TENM3: variants seen among roughly 807,000 people sequenced by gnomAD.
TENM3 encodes the protein teneurin-3.
TENM3 carries 63 observed loss-of-function variants against 255.1 expected under a neutral mutation model. That is an observed-to-expected ratio of 0.25 (90% CI 0.20 to 0.30). The LOEUF (loss-of-function observed/expected upper bound fraction) is 0.30. Among genes scored for constraint, TENM3 ranks in the 10% least tolerant of loss-of-function variants. TENM3 has a pLI of 1.00. For missense variants in TENM3, 2,929 were observed against 3,461.1 expected (o/e 0.85, Z 3.86); for synonymous variants, 1,306 against 1,322.3 (o/e 0.99, Z 0.27).
At chr4:181,705,518 G>A in the TENM3 span, among the ~76,000 whole-genome samples, 1 of 152,090 alleles carries the variant, frequency 6.6e-6, no homozygotes, top group Non-Finnish European at 1.5e-5. Flanking sequence ...TTTCATCATT[G>A]TTTTTCTCTT....
In TENM3 at chr4:182,217,579, C is replaced by T. The variant is rs574264574; in HGVS notation, c.-76+72825C>T. Among the ~76,000 whole-genome samples, 10 of 152,150 alleles carry T rather than the reference C, an allele frequency of 6.6e-5. No homozygotes were observed. In the East Asian group the frequency reaches 1.2e-3, roughly 18 times the overall value. ...CTTTACCGGTATTAACTCTTTAATTCGCATAACCCTTCTGTGAGATGGGTA... is the reference window on the plus strand; with the variant it reads ...CTTTACCGGTATTAACTCTTTAATTTGCATAACCCTTCTGTGAGATGGGTA... On this transcript the variant is annotated intron_variant, in intron 1 of 2. Transcript: ENST00000512480.
At chr4:181,710,043 G>A in the TENM3 span, among the ~76,000 whole-genome samples, 236 of 152,284 alleles carry the variant, frequency 1.5e-3, no homozygotes, top group Non-Finnish European at 2.8e-3. Context: ...TGGGGGGACA[G>A]TGGGATATTT....
intron 1 of TENM3, among the ~76,000 whole-genome samples, chr4:182,297,986 C>T (rs571586794): frequency 6.6e-6 from 1 of 152,356 alleles, no homozygotes; most frequent in African/African-American, 2.4e-5. Context: ...TGCCCAGGCA[C>T]CTTGGTCACT....
At chr4:182,002,207 C>T in the TENM3 span, among the ~76,000 whole-genome samples, 1 of 151,972 alleles carries the variant, frequency 6.6e-6, no homozygotes, top group Admixed American at 6.6e-5. Context: ...AGTTTTTCTC[C>T]AAGACAGAAA....
chr4:181,826,278 A>G, the TENM3 span, among the ~76,000 whole-genome samples: 2 of 152,238 alleles, frequency 1.3e-5, no homozygotes, highest in Non-Finnish European at 2.9e-5. Context: ...AAGCCGGAGA[A>G]AAAGTGGCCA....
In TENM3 at chr4:182,172,519, AC is replaced by A. The variant is rs927760018; in HGVS notation, c.-76+27767del. Among the ~76,000 whole-genome samples, 54 of 152,310 alleles carry A rather than the reference AC, an allele frequency of 3.5e-4. 2 individuals carry two copies. The highest frequency in any genetic ancestry group is 1.2e-3 in the African/African-American group (51 of 41,574). On this transcript the variant is annotated intron_variant, in intron 1 of 2. Coordinates refer to the TENM3 transcript ENST00000512480. Reference sequence around the variant, plus strand: ...CCCTGGCTGTGATAAGATTTTGTGAACCAAATGCACAAGATACTATTTAAGA... The same window carrying A: ...CCCTGGCTGTGATAAGATTTTGTGAACAAATGCACAAGATACTATTTAAGA...
chr4:182,727,356 T>G (rs1196422380), intron 13 of TENM3, among the ~76,000 whole-genome samples: 1 of 148,600 alleles, frequency 6.7e-6, no homozygotes, highest in African/African-American at 2.5e-5. Context: ...CTCAGGAGGC[T>G]GAGGCAGGAG....
At chr4:182,111,075 A>G in the TENM3 span, among the ~76,000 whole-genome samples, 1 of 152,140 alleles carries the variant, frequency 6.6e-6, no homozygotes, top group East Asian at 1.9e-4. Context: ...TCAACTAACA[A>G]TGGAAAACAA....
At chr4:182,658,758 C>G (rs976792978) in intron 6 of TENM3, among the ~76,000 whole-genome samples, 2 of 152,212 alleles carry the variant, frequency 1.3e-5, no homozygotes, top group Non-Finnish European at 2.9e-5. Context: ...CAGATGTTAA[C>G]CAAGGTTAAC....
the TENM3 span, among the ~76,000 whole-genome samples, chr4:181,794,258 G>A: frequency 1.1e-4 from 16 of 152,186 alleles, no homozygotes; most frequent in African/African-American, 2.6e-4. Flanking sequence ...ACGTCACATA[G>A]TTATCCTTGT....
chr4:182,384,615 G>A (rs1485468648), intron 3 of TENM3, among the ~76,000 whole-genome samples: 2 of 152,090 alleles, frequency 1.3e-5, no homozygotes, highest in Non-Finnish European at 2.9e-5. Context: ...TGTAGTGCCA[G>A]CAACATAATA....
chr4:181,748,780 T>A, the TENM3 span, among the ~76,000 whole-genome samples: 1 of 152,224 alleles, frequency 6.6e-6, no homozygotes, highest in East Asian at 1.9e-4. Flanking sequence ...CATGACAGGG[T>A]GTGAATTATG....
intron 1 of TENM3, among the ~76,000 whole-genome samples, chr4:182,265,898 A>C (rs1202381241): frequency 6.6e-6 from 1 of 152,260 alleles, no homozygotes; most frequent in Non-Finnish European, 1.5e-5. Flanking sequence ...GATAAAATAA[A>C]AACATTTAGT....
the TENM3 span, among the ~76,000 whole-genome samples, chr4:181,786,372 T>A: frequency 6.6e-6 from 1 of 151,102 alleles, no homozygotes; most frequent in Admixed American, 6.6e-5. Flanking sequence ...TGCACGGGAG[T>A]CATACAAAAT....
At chr4:181,950,195 A>T in the TENM3 span, among the ~76,000 whole-genome samples, 10 of 151,994 alleles carry the variant, frequency 6.6e-5, no homozygotes, top group African/African-American at 2.4e-4. Flanking sequence ...TGGCTCAAAA[A>T]GCTCCCCCAC....
At chr4:182,774,850 C>G in intron 23 of TENM3, 68 bp from the exon 24 acceptor site, 22 of 1,157,044 alleles carry the variant, frequency 1.9e-5, no homozygotes, top group Non-Finnish European at 2.8e-5. Flanking sequence ...GAACCTATCT[C>G]ACGGCACAAC....
chr4:182,121,218 G>A, the TENM3 span, among the ~76,000 whole-genome samples: 11 of 151,836 alleles, frequency 7.2e-5, no homozygotes, highest in Non-Finnish European at 1.2e-4. Flanking sequence ...GGCTGGTCTC[G>A]AACTACTGAC....
chr4:181,859,260 A>AAG, the TENM3 span, among the ~76,000 whole-genome samples: 2 of 150,022 alleles, frequency 1.3e-5, no homozygotes, highest in Non-Finnish European at 3.0e-5. Context: ...AAAAAAAAAA[A>AAG]AAAAAATCCC....
chr4:182,494,797 A>C (rs1735621494), intron 3 of TENM3, among the ~76,000 whole-genome samples: 1 of 152,202 alleles, frequency 6.6e-6, no homozygotes. Flanking sequence ...AGGAACTTCT[A>C]AACTTTCATA....
Sources: allele counts gnomAD v4.1 joint callset (sites outside exome capture counted in the v4.1 genomes callset), GRCh38; gene constraint gnomAD v4.1.1; transcripts MANE v1.5; gene names NCBI Gene and HGNC (gene_info 2026-07-23, HGNC 2026-07-21).